Variants in IMPG1 observed in about 807,000 individuals in gnomAD.
IMPG1 encodes the protein interphotoreceptor matrix proteoglycan 1.
IMPG1 carries 85 observed loss-of-function variants against 92.0 expected under a neutral mutation model. The ratio of observed to expected loss-of-function variants is 0.92; its 90% confidence interval spans 0.78 to 1.11. The LOEUF (loss-of-function observed/expected upper bound fraction) is 1.11. Ranked by LOEUF, IMPG1 falls within the 50% of genes least tolerant of loss-of-function variation. The pLI is 0.00. For missense variants in IMPG1, 1,022 were observed against 956.0 expected (o/e 1.07, Z -0.91); for synonymous variants, 367 against 334.1 (o/e 1.10, Z -1.08).
intron 15 of IMPG1, among the ~76,000 whole-genome samples, chr6:75,924,423 A>G (rs1201724923): frequency 8.6e-6 from 1 of 116,486 alleles, no homozygotes; most frequent in East Asian, 2.2e-4. Context: ...TATATATAAT[A>G]TATAATTAAT....
intron 12 of IMPG1, among the ~76,000 whole-genome samples, chr6:75,963,883 A>C (rs1053441950): frequency 1.3e-5 from 2 of 152,132 alleles, no homozygotes; most frequent in Non-Finnish European, 2.9e-5. Context: ...TATCTTTCCT[A>C]ACTAGGAACT....
At chr6:75,999,541 T>C (rs544382319) in intron 12 of IMPG1, among the ~76,000 whole-genome samples, 1 of 152,236 alleles carries the variant, frequency 6.6e-6, no homozygotes, top group South Asian at 2.1e-4. Flanking sequence ...CTTGCTCTTG[T>C]CCAGAGTGCC....
chr6:76,040,988 G>A (rs1172371067), intron 2 of IMPG1, among the ~76,000 whole-genome samples: 1 of 152,132 alleles, frequency 6.6e-6, no homozygotes, highest in Admixed American at 6.5e-5. Context: ...TTTTTGCAAT[G>A]GAAGCAAACA....
At chr6:75,975,433 C>A (rs59863109) in intron 12 of IMPG1, among the ~76,000 whole-genome samples, 2 of 152,172 alleles carry the variant, frequency 1.3e-5, no homozygotes, top group Non-Finnish European at 2.9e-5. Flanking sequence ...TACTAGGTGT[C>A]TTTCCAATGG....
At chr6:76,060,916 G>A (rs1034489111) in intron 1 of IMPG1, among the ~76,000 whole-genome samples, 6 of 152,104 alleles carry the variant, frequency 3.9e-5, no homozygotes, top group African/African-American at 1.4e-4. Flanking sequence ...AGAGACTACT[G>A]TGAAAAATAA....
intron 5 of IMPG1, among the ~76,000 whole-genome samples, chr6:76,022,849 A>C (rs1446758326): frequency 6.6e-6 from 1 of 152,228 alleles, no homozygotes; most frequent in East Asian, 1.9e-4. Flanking sequence ...TTATTTAAAA[A>C]AATGCTCAGA....
At chr6:75,925,198 A>T (rs1781530392) in intron 15 of IMPG1, among the ~76,000 whole-genome samples, 1 of 152,194 alleles carries the variant, frequency 6.6e-6, no homozygotes, top group African/African-American at 2.4e-5. Context: ...CAATGTATAC[A>T]TGTATTGAAA....
chr6:75,958,016 T>C (rs1489241829), intron 12 of IMPG1, among the ~76,000 whole-genome samples: 1 of 152,228 alleles, frequency 6.6e-6, no homozygotes, highest in East Asian at 1.9e-4. Flanking sequence ...GTCTTTACAA[T>C]TTGGTATGTT....
chr6:76,009,392 C>A (rs1332760065), intron 8 of IMPG1, among the ~76,000 whole-genome samples: 1 of 152,146 alleles, frequency 6.6e-6, no homozygotes, highest in East Asian at 1.9e-4. Flanking sequence ...AACCTTTATA[C>A]AAATGAGCTG....
At chr6:75,924,641 ATAAT>A (rs1442390836) in intron 15 of IMPG1, among the ~76,000 whole-genome samples, 2 of 13,258 alleles carry the variant, frequency 1.5e-4, no homozygotes, top group African/African-American at 4.4e-4. Context: ...TATATTATAT[ATAAT>A]TAATTATATA....
In IMPG1 at chr6:75,947,390, G is replaced by A. The variant is rs765195875; in HGVS notation, c.1968C>T (p.Val656=). The change falls in exon 14 of 17, where the codon GTC becomes GTT. Residue 656 remains valine, a synonymous_variant. Coordinates refer to ENST00000369950, the MANE Select transcript of IMPG1 (RefSeq NM_001563.4). Reference sequence around the variant, plus strand: ...CTGCAGCAGAACGAAAATCCTCCAAGACCCCGTGCACAGCCTTGGTGAGGT... The same window carrying A: ...CTGCAGCAGAACGAAAATCCTCCAAAACCCCGTGCACAGCCTTGGTGAGGT... The part of the protein sequence containing the change: ...PYNLTKAVHG[V]LEDFRSAAAQ... The A allele has an allele frequency of 1.2e-6, 2 of 1,613,844 alleles. No individual in the cohort carries two copies. The highest frequency in any genetic ancestry group is 1.3e-5 in the African/African-American group (1 of 74,900).
chr6:76,052,283 C>T (rs1784055745), intron 1 of IMPG1, among the ~76,000 whole-genome samples: 1 of 152,128 alleles, frequency 6.6e-6, no homozygotes, highest in Admixed American at 6.6e-5. Context: ...ACTCATCATC[C>T]GTCTTAGTAG....
At chr6:75,946,744 T>C (rs2149455880) in intron 14 of IMPG1, among the ~76,000 whole-genome samples, 1 of 152,330 alleles carries the variant, frequency 6.6e-6, no homozygotes, top group African/African-American at 2.4e-5. Flanking sequence ...TGATCTGTAG[T>C]ATACAACCAA....
chr6:76,007,190 G>A (rs1411255167), intron 9 of IMPG1, among the ~76,000 whole-genome samples: 1 of 152,126 alleles, frequency 6.6e-6, no homozygotes, highest in African/African-American at 2.4e-5. Flanking sequence ...TATGCTTGCA[G>A]CACAGATAGT....
chr6:75,976,169 T>C (rs531602523), intron 12 of IMPG1, among the ~76,000 whole-genome samples: 2 of 152,244 alleles, frequency 1.3e-5, no homozygotes, highest in Non-Finnish European at 2.9e-5. Flanking sequence ...TCATTTTACA[T>C]TTAAATGAGG....
chr6:75,940,187 C>T (rs1390180518), intron 14 of IMPG1, among the ~76,000 whole-genome samples: 1 of 152,188 alleles, frequency 6.6e-6, no homozygotes, highest in African/African-American at 2.4e-5. Context: ...CCATCCTACA[C>T]ATTGCCCCTG....
At chr6:75,986,851 A>T (rs2149471644) in intron 12 of IMPG1, among the ~76,000 whole-genome samples, 1 of 152,358 alleles carries the variant, frequency 6.6e-6, no homozygotes, top group Non-Finnish European at 1.5e-5. Context: ...TAAAACAGGC[A>T]GTCAAACCAA....
chr6:75,933,695 C>T (rs1038913768), intron 14 of IMPG1, among the ~76,000 whole-genome samples: 3 of 152,182 alleles, frequency 2.0e-5, no homozygotes, highest in African/African-American at 4.8e-5. Flanking sequence ...AGAGACATGT[C>T]GTTGCATTTC....
intron 12 of IMPG1, among the ~76,000 whole-genome samples, chr6:75,975,874 T>G (rs923024515): frequency 6.6e-6 from 1 of 152,250 alleles, no homozygotes; most frequent in African/African-American, 2.4e-5. Context: ...ATGGCTACAT[T>G]CCAATAAAAG....
Sources: allele counts gnomAD v4.1 joint callset (sites outside exome capture counted in the v4.1 genomes callset), GRCh38; gene constraint gnomAD v4.1.1; transcripts MANE v1.5; gene names NCBI Gene and HGNC (gene_info 2026-07-23, HGNC 2026-07-21).